DLG2: variants seen among roughly 807,000 people sequenced by gnomAD.
The protein encoded by DLG2 is disks large homolog 2.
In DLG2, 45 loss-of-function variants were observed where a neutral mutation model predicts 132.5. The observed-to-expected ratio is 0.34, with a 90% CI of 0.27 to 0.44. The LOEUF is 0.44. Among genes scored for constraint, DLG2 ranks in the 20% least tolerant of loss-of-function variants. The pLI is 1.00. For synonymous variants in DLG2, 424 were observed against 419.6 expected, an observed-to-expected ratio of 1.01 and a Z score of -0.13; for missense variants, 1,045 against 1,196.9, an observed-to-expected ratio of 0.87 and a Z score of 1.87.
At chr11:85,374,451 G>A (rs1418613860) in intron 3 of DLG2, among the ~76,000 whole-genome samples, 2 of 152,184 alleles carry the variant, frequency 1.3e-5, no homozygotes, top group African/African-American at 4.8e-5. Flanking sequence ...AAATGTAAAA[G>A]TCAGAGAACT....
At chr11:85,352,384 A>T (rs1357889504) in intron 3 of DLG2, among the ~76,000 whole-genome samples, 4 of 151,990 alleles carry the variant, frequency 2.6e-5, no homozygotes, top group Admixed American at 2.6e-4. Context: ...TGATTTTTTG[A>T]AGGGTTTTTG....
At chr11:83,719,970 A>G (rs930102668) in intron 18 of DLG2, among the ~76,000 whole-genome samples, 1 of 152,096 alleles carries the variant, frequency 6.6e-6, no homozygotes, top group Admixed American at 6.6e-5. Flanking sequence ...GAACTCTTGT[A>G]TACTGTGAAT....
intron 6 of DLG2, among the ~76,000 whole-genome samples, chr11:85,009,997 TTAAAG>T (rs1394616224): frequency 6.6e-6 from 1 of 152,088 alleles, no homozygotes; most frequent in Non-Finnish European, 1.5e-5. Flanking sequence ...TAAATTCAAC[TTAAAG>T]TAATCACACT....
At chr11:85,463,586 C>G (rs957464949) in intron 3 of DLG2, among the ~76,000 whole-genome samples, 2 of 152,090 alleles carry the variant, frequency 1.3e-5, no homozygotes, top group Non-Finnish European at 2.9e-5. Context: ...TGAGACCAAT[C>G]TGGGCTACAT....
At chr11:84,401,445 C>T (rs540716000) in intron 7 of DLG2, among the ~76,000 whole-genome samples, 226 of 152,262 alleles carry the variant, frequency 1.5e-3, no homozygotes, top group Non-Finnish European at 2.6e-3. Flanking sequence ...TTGCTTACTT[C>T]TGTTTGCCCA....
chr11:85,339,881 T>C (rs879435233), intron 3 of DLG2, among the ~76,000 whole-genome samples: 2 of 151,932 alleles, frequency 1.3e-5, no homozygotes, highest in Non-Finnish European at 2.9e-5. Flanking sequence ...AACAGACACA[T>C]GAAAAAATGC....
intron 19 of DLG2, among the ~76,000 whole-genome samples, chr11:83,614,101 G>C (rs2060471828): frequency 6.6e-6 from 1 of 152,222 alleles, no homozygotes; most frequent in Non-Finnish European, 1.5e-5. Context: ...AATGGCAGTG[G>C]CTCCCTGCTC....
intron 16 of DLG2, among the ~76,000 whole-genome samples, chr11:83,841,433 A>G (rs1431733615): frequency 6.6e-6 from 1 of 152,166 alleles, no homozygotes; most frequent in African/African-American, 2.4e-5. Flanking sequence ...CAGGGATTGT[A>G]ATCTTCTAGA....
intron 4 of DLG2, among the ~76,000 whole-genome samples, chr11:85,203,458 A>C (rs1410889279): frequency 1.3e-5 from 2 of 152,174 alleles, no homozygotes; most frequent in East Asian, 3.9e-4. Context: ...ATTAGTGAAT[A>C]AATTTCTGGA....
At position 85,034,430 on chromosome 11, in the gene DLG2, C is replaced by T; in HGVS notation, c.357+77231G>A. On this transcript the variant is annotated intron_variant, in intron 6 of 27. Coordinates refer to ENST00000376104, the MANE Select transcript of DLG2 (RefSeq NM_001142699.3). ...GAAATGATATCCAAAGCAAAATCTTCTACAGTTTTCAGATCCTATGTCAGC... is the reference window on the plus strand; with the variant it reads ...GAAATGATATCCAAAGCAAAATCTTTTACAGTTTTCAGATCCTATGTCAGC... 1.3e-5 allele frequency among the ~76,000 whole-genome samples: 2 copies of T among 152,106 alleles called. 1 individual carries two copies. Among genetic ancestry groups the T allele is most frequent in the South Asian group, 4.1e-4 (2 of 4,820 alleles).
chr11:84,063,002 A>G lies in DLG2; in HGVS notation c.750-3518T>C, dbSNP rs116984985. On this transcript the variant is annotated intron_variant, in intron 10 of 27. Coordinates refer to ENST00000376104, the MANE Select transcript of DLG2 (RefSeq NM_001142699.3). Reference sequence around the variant, plus strand: ...ATAATTAGCTTCAAAGTCAAGGAATACTTTGTCACAGTAACAAATGCAGGC... The same window carrying G: ...ATAATTAGCTTCAAAGTCAAGGAATGCTTTGTCACAGTAACAAATGCAGGC... Among the ~76,000 whole-genome samples the G allele has an allele frequency of 2.6e-4, 39 of 152,324 alleles. No individual in the cohort carries two copies. In the East Asian group the frequency reaches 6.8e-3, roughly 26 times the overall value.
At chr11:83,493,654 C>T (rs532720631) in intron 21 of DLG2, among the ~76,000 whole-genome samples, 1 of 152,168 alleles carries the variant, frequency 6.6e-6, no homozygotes, top group South Asian at 2.1e-4. Context: ...TGACTGTCTT[C>T]TACTAAACTG....
At chr11:84,567,647 T>C (rs1171827248) in intron 6 of DLG2, among the ~76,000 whole-genome samples, 1 of 152,228 alleles carries the variant, frequency 6.6e-6, no homozygotes, top group Admixed American at 6.5e-5. Context: ...TCTTTGAAAG[T>C]AGCGGCTGTT....
intron 6 of DLG2, among the ~76,000 whole-genome samples, chr11:84,985,734 C>G (rs928573198): frequency 6.6e-6 from 1 of 152,058 alleles, no homozygotes; most frequent in African/African-American, 2.4e-5. Context: ...TGGCTCATGC[C>G]TGTAATCCCA....
intron 18 of DLG2, chr11:83,651,652 A>G: frequency 3.6e-6 from 1 of 277,068 alleles, no homozygotes; most frequent in Non-Finnish European, 7.5e-6. Flanking sequence ...TTGGAGGAGG[A>G]GGAAGAAAAC....
In DLG2 at chr11:84,135,390, T is replaced by A. The variant is rs568263136; in HGVS notation, c.624+28071A>T. 7.6e-4 allele frequency among the ~76,000 whole-genome samples: 115 copies of A among 152,236 alleles called. 1 individual carries two copies. The highest frequency in any genetic ancestry group is 2.1e-3 in the South Asian group (10 of 4,834). Reference sequence around the variant, plus strand: ...TTTTAAAGGACAAGAAAAATGGGGCTGTTATTATTTTGAGCAGTTACCAAA... The same window carrying A: ...TTTTAAAGGACAAGAAAAATGGGGCAGTTATTATTTTGAGCAGTTACCAAA... On this transcript the variant is annotated intron_variant, in intron 9 of 27. Coordinates refer to ENST00000376104, the MANE Select transcript of DLG2 (RefSeq NM_001142699.3).
chr11:83,610,327 C>A (rs570006616), intron 19 of DLG2, among the ~76,000 whole-genome samples: 2 of 152,238 alleles, frequency 1.3e-5, no homozygotes, highest in South Asian at 4.1e-4. Context: ...AAGAGGGGCA[C>A]CACAACTCAA....
At chr11:85,598,594 T>C in intron 3 of DLG2, 63 bp downstream of exon 3, 3 of 1,253,224 alleles carry the variant, frequency 2.4e-6, no homozygotes, top group East Asian at 5.6e-5. Context: ...TTTGACCACA[T>C]TATTCAAACT....
intron 6 of DLG2, among the ~76,000 whole-genome samples, chr11:85,093,642 G>C (rs551271065): frequency 6.6e-6 from 1 of 152,316 alleles, no homozygotes; most frequent in East Asian, 1.9e-4. Context: ...GAAAGAACGT[G>C]TGCGGGGGAA....
Sources: gnomAD v4.1 joint callset for allele counts (sites outside exome capture counted in the v4.1 genomes callset) on GRCh38, gnomAD v4.1.1 for gene constraint, MANE v1.5 for transcripts, NCBI Gene and HGNC (gene_info 2026-07-23, HGNC 2026-07-21) for gene names.